The following RIC1 variants were observed in gnomAD, a reference collection of about 807,000 sequenced individuals.
RIC1 encodes the protein RIC1 partner of RAB6A GEF complex, also known as guanine nucleotide exchange factor subunit RIC1.
RIC1 carries 88 observed loss-of-function variants against 169.0 expected under a neutral mutation model. That is an observed-to-expected ratio of 0.52 (90% confidence interval 0.44 to 0.62). The LOEUF is 0.62. Ranked by LOEUF, RIC1 falls within the 20% of genes least tolerant of loss-of-function variation. The probability of loss-of-function intolerance (pLI) is 0.00; values close to 1 mark genes in which losing one functional copy is unlikely to be tolerated. For synonymous variants in RIC1, 790 were observed against 601.5 expected, an observed-to-expected ratio of 1.31 and a Z score of -4.59; for missense variants, 1,877 against 1,725.5, an observed-to-expected ratio of 1.09 and a Z score of -1.56.
chr9:5,683,408 C>G (rs1478390598), intron 2 of RIC1, among the ~76,000 whole-genome samples: 1 of 152,182 alleles, frequency 6.6e-6, no homozygotes, highest in Non-Finnish European at 1.5e-5. Flanking sequence ...TGCTGGAGGT[C>G]CACTCCAGAC....
intron 12 of RIC1, among the ~76,000 whole-genome samples, chr9:5,752,126 C>A (rs953079553): frequency 7.2e-5 from 11 of 152,064 alleles, no homozygotes; most frequent in African/African-American, 2.7e-4. Context: ...CATTGATATC[C>A]CATGTCAATT....
intron 4 of RIC1, among the ~76,000 whole-genome samples, chr9:5,714,258 T>A (rs1317805280): frequency 6.6e-6 from 1 of 152,168 alleles, no homozygotes; most frequent in Non-Finnish European, 1.5e-5. Flanking sequence ...GGTCTAGAAT[T>A]GTTTGATTGA....
intron 2 of RIC1, among the ~76,000 whole-genome samples, chr9:5,667,881 T>C (rs1819874233): frequency 6.6e-6 from 1 of 152,176 alleles, no homozygotes; most frequent in Non-Finnish European, 1.5e-5. Context: ...TGCTTCCACA[T>C]TTTTGGGTAT....
At chr9:5,632,762 G>C (rs139937493) in intron 1 of RIC1, among the ~76,000 whole-genome samples, 143 of 152,232 alleles carry the variant, frequency 9.4e-4, no homozygotes, top group African/African-American at 3.3e-3. Flanking sequence ...GGTGTAGTGT[G>C]AGATGAATTA....
At chr9:5,684,989 A>C (rs567520423) in intron 2 of RIC1, among the ~76,000 whole-genome samples, 7 of 150,704 alleles carry the variant, frequency 4.6e-5, no homozygotes, top group Non-Finnish European at 1.0e-4. Flanking sequence ...TTAAACCCCA[A>C]CCCTGCATTC....
At chr9:5,711,622 A>G (rs181916784) in intron 3 of RIC1, among the ~76,000 whole-genome samples, 347 of 151,910 alleles carry the variant, frequency 2.3e-3, no homozygotes, top group African/African-American at 7.6e-3. Context: ...CATGTGCACA[A>G]TGTGCAGGTT....
intron 6 of RIC1, among the ~76,000 whole-genome samples, chr9:5,728,527 C>G (rs1474223066): frequency 6.6e-6 from 1 of 152,208 alleles, no homozygotes; most frequent in African/African-American, 2.4e-5. Context: ...TGGGCTCACA[C>G]TCCATGGGCT....
At chr9:5,660,736 G>A (rs1319736614) in intron 2 of RIC1, among the ~76,000 whole-genome samples, 1 of 151,866 alleles carries the variant, frequency 6.6e-6, no homozygotes, top group Non-Finnish European at 1.5e-5. Context: ...CATTGTAGAT[G>A]CTGGATATTA....
chr9:5,686,871 G>A (rs773356014), intron 2 of RIC1, among the ~76,000 whole-genome samples: 1 of 152,114 alleles, frequency 6.6e-6, no homozygotes, highest in Non-Finnish European at 1.5e-5. Flanking sequence ...AATGAGATAG[G>A]AAGTGGTTCC....
At chr9:5,728,398 A>G (rs2130907353) in intron 6 of RIC1, among the ~76,000 whole-genome samples, 1 of 152,346 alleles carries the variant, frequency 6.6e-6, no homozygotes, top group Non-Finnish European at 1.5e-5. Context: ...GGAAAAGCGC[A>G]GTATTAGGGT....
intron 6 of RIC1, among the ~76,000 whole-genome samples, chr9:5,725,176 C>G (rs1377067365): frequency 6.6e-6 from 1 of 152,170 alleles, no homozygotes; most frequent in South Asian, 2.1e-4. Flanking sequence ...GGCTGTGAAT[C>G]TGTCTCGTCC....
chr9:5,765,473 A>G lies in RIC1; in HGVS notation c.2901A>G (p.Leu967=). 1 of 1,614,212 alleles carries G rather than the reference A, an allele frequency of 6.2e-7. No homozygotes were observed. The highest frequency in any genetic ancestry group is 8.5e-7 in the Non-Finnish European group (1 of 1,180,004). The change falls in exon 20 of 26, where the codon CTA becomes CTG. Residue 967 remains leucine (L), a synonymous_variant. Coordinates refer to ENST00000414202, the MANE Select transcript of RIC1 (RefSeq NM_020829.4). ...CTACCCTTCTATTCAACACAGCACTAGAACAAGGCAAGTGGGACCTTTGTC... is the reference window on the plus strand; with the variant it reads ...CTACCCTTCTATTCAACACAGCACTGGAACAAGGCAAGTGGGACCTTTGTC... ...QHATLLFNTA[L]EQGKWDLCRH...
chr9:5,637,884 G>A (rs1818051958), intron 1 of RIC1, among the ~76,000 whole-genome samples: 1 of 152,120 alleles, frequency 6.6e-6, no homozygotes, highest in Non-Finnish European at 1.5e-5. Flanking sequence ...CCAGTACTGT[G>A]TTGAATAACA....
chr9:5,655,696 G>T lies in RIC1; in HGVS notation c.145-887G>T, dbSNP rs1383809457. ...TGATTTTTCTGTAGCCTGTTGATGT[G>T]ATGGATTATATTAATTGAGTTTTGA... On this transcript the variant is annotated intron_variant, in intron 1 of 25. Coordinates refer to ENST00000414202, the MANE Select transcript of RIC1 (RefSeq NM_020829.4). Among the ~76,000 whole-genome samples, 8 of 152,160 alleles carry T rather than the reference G, an allele frequency of 5.3e-5. 1 individual carries two copies. The highest frequency in any genetic ancestry group is 2.4e-5 in the African/African-American group (1 of 41,440).
intron 2 of RIC1, among the ~76,000 whole-genome samples, chr9:5,688,518 C>G (rs1330348864): frequency 1.3e-5 from 2 of 152,084 alleles, no homozygotes; most frequent in Non-Finnish European, 2.9e-5. Flanking sequence ...TTTCCTTTTG[C>G]TTCCATACTC....
At chr9:5,671,825 A>G (rs149710426) in intron 2 of RIC1, among the ~76,000 whole-genome samples, 219 of 152,330 alleles carry the variant, frequency 1.4e-3, no homozygotes, top group African/African-American at 4.9e-3. Context: ...AGGACCAGGC[A>G]GAGGGAAAGG....
At chr9:5,748,715 G>A (rs1434852188) in intron 12 of RIC1, 2 of 152,588 alleles carry the variant, frequency 1.3e-5, no homozygotes, top group East Asian at 3.8e-4. Flanking sequence ...ATCAAAGAAG[G>A]TAGGTCTGGA....
chr9:5,743,547 C>T, intron 9 of RIC1, 142 bp from the exon 10 acceptor site: 1 of 667,232 alleles, frequency 1.5e-6, no homozygotes, highest in East Asian at 2.7e-5. Context: ...TGTATTAACC[C>T]ACAGTTTTGT....
intron 1 of RIC1, 150 bp downstream of exon 1, chr9:5,629,603 G>C (rs1817618240): frequency 2.2e-6 from 2 of 918,780 alleles, no homozygotes; most frequent in South Asian, 4.1e-5. Context: ...CCACCGAATT[G>C]GCCGCAGGTA....
Sources: allele counts gnomAD v4.1 joint callset (sites outside exome capture counted in the v4.1 genomes callset), GRCh38; gene constraint gnomAD v4.1.1; transcripts MANE v1.5; gene names NCBI Gene and HGNC (gene_info 2026-07-23, HGNC 2026-07-21).